TFR2: variants seen among roughly 807,000 people sequenced by gnomAD.
TFR2 encodes the protein transferrin receptor protein 2.
TFR2 carries 64 observed loss-of-function variants against 91.9 expected under a neutral mutation model. That is an observed-to-expected ratio of 0.70 (90% confidence interval 0.57 to 0.86). The LOEUF (loss-of-function observed/expected upper bound fraction) is 0.86, where lower values mean the gene tolerates loss of function less well. TFR2 is among the 40% of genes least tolerant of loss of function. The pLI is 0.00. For missense variants in TFR2, 950 were observed against 1,080.5 expected (o/e 0.88, Z 1.69); for synonymous variants, 454 against 459.6 (o/e 0.99, Z 0.15).
chr7:100,636,687 T>C (rs1158485742), intron 3 of TFR2, among the ~76,000 whole-genome samples: 1 of 152,112 alleles, frequency 6.6e-6, no homozygotes, highest in South Asian at 2.1e-4. Context: ...TTATCCTCGC[T>C]GTACCTGCTC....
At chr7:100,630,809 C>A in intron 9 of TFR2, 80 bp downstream of exon 9, 2 of 1,597,020 alleles carry the variant, frequency 1.3e-6, no homozygotes, top group Non-Finnish European at 1.7e-6. Context: ...CTGCACCAGC[C>A]CCCTATCTTG....
At chr7:100,640,165 C>T (rs919815464) in intron 3 of TFR2, 57 of 159,164 alleles carry the variant, frequency 3.6e-4, no homozygotes, top group Admixed American at 1.7e-3. Flanking sequence ...CTGCAACCTC[C>T]GCCTCCCCGG....
At chr7:100,623,586 T>G (rs1803171091) in intron 17 of TFR2, among the ~76,000 whole-genome samples, 1 of 152,026 alleles carries the variant, frequency 6.6e-6, no homozygotes, top group South Asian at 2.1e-4. Flanking sequence ...GAGACCAGCT[T>G]GGGCAATGTA....
chr7:100,637,934 C>T (rs1423919504), intron 3 of TFR2, among the ~76,000 whole-genome samples: 1 of 151,734 alleles, frequency 6.6e-6, no homozygotes, highest in South Asian at 2.1e-4. Context: ...TGGGTTTAAG[C>T]GATTCTCCTG....
chr7:100,622,870 A>C (rs1176488969), intron 17 of TFR2, among the ~76,000 whole-genome samples: 2 of 152,204 alleles, frequency 1.3e-5, no homozygotes, highest in Admixed American at 1.3e-4. Context: ...GAGGCACAAG[A>C]ATAGCCTGAA....
chr7:100,625,686 C>A (rs1803234585), intron 17 of TFR2, among the ~76,000 whole-genome samples: 1 of 151,986 alleles, frequency 6.6e-6, no homozygotes, highest in Admixed American at 6.6e-5. Context: ...GAGTTTGAGA[C>A]CAGCCTGGGC....
chr7:100,638,541 G>A (rs1803623466), intron 3 of TFR2, among the ~76,000 whole-genome samples: 1 of 151,572 alleles, frequency 6.6e-6, no homozygotes, highest in African/African-American at 2.4e-5. Context: ...TCTGAGGTCA[G>A]GAGTTTGAGA....
intron 8 of TFR2, chr7:100,631,442 C>A: frequency 3.9e-6 from 1 of 254,344 alleles, no homozygotes; most frequent in South Asian, 4.0e-5. Context: ...GTCTGGCCAA[C>A]ATGGTGAAAC....
intron 3 of TFR2, among the ~76,000 whole-genome samples, chr7:100,637,888 A>G (rs1202815660): frequency 6.6e-6 from 1 of 151,450 alleles, no homozygotes; most frequent in Admixed American, 6.6e-5. Context: ...CTGGAGTGCA[A>G]TGGCACGACG....
intron 17 of TFR2, among the ~76,000 whole-genome samples, chr7:100,624,900 A>C (rs564067394): frequency 6.6e-6 from 1 of 150,938 alleles, no homozygotes; most frequent in Non-Finnish European, 1.5e-5. Context: ...AACAAGCGGC[A>C]GTTTGAATTT....
chr7:100,633,698 C>G (rs1162707098), intron 3 of TFR2, 142 bp from the exon 4 acceptor site: 1 of 214,404 alleles, frequency 4.7e-6, no homozygotes. Flanking sequence ...CCCGCGGACG[C>G]TTTTTTTTTT....
intron 8 of TFR2, 83 bp downstream of exon 8, chr7:100,631,723 G>T: frequency 6.5e-7 from 1 of 1,538,374 alleles, no homozygotes; most frequent in Non-Finnish European, 8.8e-7. Context: ...CCTTTTTCTA[G>T]TTCACCCACA....
intron 17 of TFR2, among the ~76,000 whole-genome samples, chr7:100,624,818 G>A (rs1584454198): frequency 6.6e-6 from 1 of 151,630 alleles, no homozygotes; most frequent in African/African-American, 2.4e-5. Context: ...GTTGCCGTGA[G>A]CCCAGATCAT....
rs1231916973 is a variant in TFR2 at position 100,633,567 on chromosome 7, A to G, written c.474-11T>C. On this transcript the variant is annotated splice_polypyrimidine_tract_variant and intron_variant, in intron 3 of 17. Coordinates refer to ENST00000223051, the MANE Select transcript of TFR2 (RefSeq NM_003227.4). ...CGAAGGCTGGTTTGCCTAAGCGGGG[A>G]GAGGTGGGGACTTTTCTGGGCGCCC... 1.9e-6 allele frequency: 3 copies of G among 1,596,828 alleles called. No individual in the cohort carries two copies. The highest frequency in any genetic ancestry group is 2.5e-6 in the Non-Finnish European group (3 of 1,177,320).
rs372245326 is a variant in TFR2, at chr7:100,641,500, G to A, written c.10C>T (p.Leu4Phe). 1.2e-5 allele frequency: 20 copies of A among 1,613,768 alleles called. No individual in the cohort carries two copies. Among genetic ancestry groups the A allele is most frequent in the Non-Finnish European group, 1.6e-5 (19 of 1,179,922 alleles). Residue 4 changes from leucine to phenylalanine, a missense_variant, in exon 1 of 18, where the codon CTT (leucine) becomes TTT (phenylalanine). Leu to Phe is a conservative substitution (Grantham distance 22). Coordinates refer to ENST00000223051, the MANE Select transcript of TFR2 (RefSeq NM_003227.4). MER[L>F]WGLFQRAQQL... is the part of the protein sequence containing the mutation. ...ACCGCTCTCTGGAATAGACCCCAAA[G>A]CCGCTCCATGCTTGTGTCCCCTCCT...
chr7:100,629,400 T>C, intron 9 of TFR2, 28 bp from the exon 10 acceptor site: 2 of 1,613,052 alleles, frequency 1.2e-6, no homozygotes, highest in Non-Finnish European at 1.7e-6. Context: ...GGGACCCACT[T>C]CTGACACTGC....
chr7:100,632,735 A>C, intron 6 of TFR2: 3 of 320,252 alleles, frequency 9.4e-6, no homozygotes, highest in South Asian at 2.7e-5. Flanking sequence ...AAAAAAAAAG[A>C]ACCTTTTTTT....
chr7:100,628,157 T>G (rs1299961800), intron 11 of TFR2, 21 bp from the exon 12 acceptor site: 1 of 1,614,060 alleles, frequency 6.2e-7, no homozygotes. Context: ...GTGACCAGTG[T>G]GGAGTGGGAA....
chr7:100,637,188 T>C (rs1284528456), intron 3 of TFR2, among the ~76,000 whole-genome samples: 1 of 151,790 alleles, frequency 6.6e-6, no homozygotes, highest in Non-Finnish European at 1.5e-5. Flanking sequence ...TCTCCTGAGG[T>C]CAGGAGTTCG....
Sources: gnomAD v4.1 joint callset for allele counts (sites outside exome capture counted in the v4.1 genomes callset) on GRCh38, gnomAD v4.1.1 for gene constraint, MANE v1.5 for transcripts, NCBI Gene and HGNC (gene_info 2026-07-23, HGNC 2026-07-21) for gene names.